The following TFB1M variants were observed in gnomAD, a reference collection of about 807,000 sequenced individuals.
The protein encoded by TFB1M is dimethyladenosine transferase 1, mitochondrial.
Under a neutral mutation model 31.1 loss-of-function variants are expected in TFB1M, and 27 were observed. The ratio of observed to expected loss-of-function variants is 0.87; its 90% confidence interval spans 0.64 to 1.20. TFB1M has a LOEUF of 1.20. Among genes scored for constraint, TFB1M ranks in the 50% most tolerant of loss-of-function variants. The probability of loss-of-function intolerance (pLI) is 0.00; values close to 1 mark genes in which losing one functional copy is unlikely to be tolerated. For missense variants in TFB1M, 394 were observed against 418.7 expected, an observed-to-expected ratio of 0.94 and a Z score of 0.51; for synonymous variants, 166 against 151.8, an observed-to-expected ratio of 1.09 and a Z score of -0.69.
chr6:155,285,131 T>C (rs930486529), intron 5 of TFB1M, 27 bp downstream of exon 5: 34 of 1,613,020 alleles, frequency 2.1e-5, no homozygotes, highest in Non-Finnish European at 2.5e-5. Context: ...AATTCCGATA[T>C]ACTACAACAA....
intron 5 of TFB1M, among the ~76,000 whole-genome samples, chr6:155,283,399 T>C (rs1776476639): frequency 6.6e-6 from 1 of 152,224 alleles, no homozygotes; most frequent in African/African-American, 2.4e-5. Context: ...TAAATTGCTA[T>C]GAAAATGTTT....
At chr6:155,304,651 G>T (rs1297807806) in intron 2 of TFB1M, among the ~76,000 whole-genome samples, 1 of 151,876 alleles carries the variant, frequency 6.6e-6, no homozygotes, top group Non-Finnish European at 1.5e-5. Context: ...AGAGAAAAAA[G>T]AACAAAGGTA....
rs1234719094 is a variant in TFB1M at position 155,305,425 on chromosome 6, TTA to T, written c.285+5761_285+5762del. Among the ~76,000 whole-genome samples, 9 of 29,168 alleles carry T rather than the reference TTA, an allele frequency of 3.1e-4. 3 individuals carry two copies. The highest frequency in any genetic ancestry group is 6.0e-4 in the African/African-American group (4 of 6,700). The allele number at this position is 29,168 out of a possible 152,430, so 19.1% of individuals were successfully genotyped here. ...ATAAATATATTATTAAATTATATAT[TTA>T]TATATATAAATATATATTAAATTAT... On this transcript the variant is annotated intron_variant, in intron 2 of 6. Coordinates refer to ENST00000367166, the MANE Select transcript of TFB1M (RefSeq NM_016020.4).
intron 5 of TFB1M, among the ~76,000 whole-genome samples, chr6:155,262,043 C>A: frequency 6.6e-6 from 1 of 152,164 alleles, no homozygotes; most frequent in East Asian, 1.9e-4. Flanking sequence ...ACAGGACTTC[C>A]CTTAGACTTT....
chr6:155,301,764 C>T lies in TFB1M; in HGVS notation c.286-3179G>A, dbSNP rs138659010. Among the ~76,000 whole-genome samples the T allele has an allele frequency of 8.0e-3, 1,223 of 152,276 alleles. 14 individuals carry two copies. The highest frequency in any genetic ancestry group is 0.028 in the African/African-American group (1,167 of 41,560). ...AAAATCAAACCATGAAGAGGGGAAGCATATATGTAAAACACAAGAGCTAAC... is the reference window on the plus strand; with the variant it reads ...AAAATCAAACCATGAAGAGGGGAAGTATATATGTAAAACACAAGAGCTAAC... On this transcript the variant is annotated intron_variant, in intron 2 of 6. Coordinates refer to ENST00000367166, the MANE Select transcript of TFB1M (RefSeq NM_016020.4).
intron 4 of TFB1M, among the ~76,000 whole-genome samples, chr6:155,290,175 A>G (rs1381732520): frequency 6.6e-6 from 1 of 151,804 alleles, no homozygotes. Flanking sequence ...TCACGAGGTC[A>G]GGAGATCGAG....
chr6:155,262,736 A>G (rs540364841), intron 5 of TFB1M, among the ~76,000 whole-genome samples: 1 of 152,034 alleles, frequency 6.6e-6, no homozygotes, highest in Admixed American at 6.5e-5. Context: ...CAGTACAGAA[A>G]CTGCCACTTT....
chr6:155,294,625 GAGAT>G (rs780215338), intron 4 of TFB1M, among the ~76,000 whole-genome samples: 11 of 152,324 alleles, frequency 7.2e-5, no homozygotes, highest in East Asian at 3.9e-4. Flanking sequence ...CCATTACCCT[GAGAT>G]TAATAAAAAT....
rs118159583 is a variant in TFB1M, at chr6:155,276,908, T to C, written c.666+8250A>G. Among the ~76,000 whole-genome samples, 74 of 152,376 alleles carry C rather than the reference T, an allele frequency of 4.9e-4. 1 individual carries two copies. The highest frequency in any genetic ancestry group is 9.3e-4 in the Non-Finnish European group (63 of 68,032). ...ATCCATCCCAAGTCCCCACCTCCTG[T>C]GACCAGCCCATTTCTTTTTCATTTT... On this transcript the variant is annotated intron_variant, in intron 5 of 6. Coordinates refer to ENST00000367166, the MANE Select transcript of TFB1M (RefSeq NM_016020.4).
chr6:155,248,309 C>T, the TFB1M span: 39 of 1,064,794 alleles, frequency 3.7e-5, no homozygotes, highest in Admixed American at 9.0e-4. Context: ...TTCAGTTCTG[C>T]GATGGTTAAT....
At chr6:155,255,573 A>C (rs1342020021), downstream of TFB1M, 1 of 152,094 alleles carries the variant, frequency 6.6e-6, no homozygotes. Context: ...AGAAACACCA[A>C]AACTGAGAAC....
chr6:155,271,979 G>T (rs368446425), intron 5 of TFB1M, among the ~76,000 whole-genome samples: 5 of 152,040 alleles, frequency 3.3e-5, no homozygotes, highest in Non-Finnish European at 5.9e-5. Context: ...GGAGAACCTG[G>T]TATTTATCTT....
chr6:155,297,090 G>T lies in TFB1M; in HGVS notation c.409C>A (p.His137Asn), dbSNP rs753853179. Residue 137 changes from histidine (H) to asparagine (N), a missense_variant, in exon 4 of 7, where the codon CAT (histidine) becomes AAT (asparagine). Physicochemically the swap from His to Asn is moderately conservative, Grantham distance 68 (BLOSUM62 1). Around this residue, in one of 3 missense-constraint regions of TFB1M, gnomAD observed 273 missense variants for 256.4 expected, o/e 1.06. Transcript: ENST00000367166. ...RPWEDDPPNV[H>N]IIGNLPFSVS... The stretch of plus-strand genomic sequence containing the variant: ...CTAAAAGGCAGATTTCCAATAATAT[G>T]TACATTTGGAGGATCTGGTGGCAGA... The T allele has an allele frequency of 1.6e-5, 26 of 1,613,420 alleles. No homozygotes were observed. Among genetic ancestry groups the T allele is most frequent in the Non-Finnish European group, 2.1e-5 (25 of 1,179,942 alleles).
chr6:155,250,619 A>G, the TFB1M span: 1 of 1,535,992 alleles, frequency 6.5e-7, no homozygotes, highest in Non-Finnish European at 8.7e-7. Flanking sequence ...AGAACCACGG[A>G]CACTGGTAGA....
chr6:155,283,645 A>G (rs1472296694), intron 5 of TFB1M, among the ~76,000 whole-genome samples: 1 of 152,210 alleles, frequency 6.6e-6, no homozygotes, highest in Non-Finnish European at 1.5e-5. Flanking sequence ...TTCCACTAAA[A>G]ATATTCGAAT....
chr6:155,250,817 C>G, the TFB1M span: 1 of 1,325,136 alleles, frequency 7.5e-7, no homozygotes, highest in Non-Finnish European at 1.1e-6. Context: ...GCTGTGCTTG[C>G]ATTTTAGCAA....
At chr6:155,250,915 A>G in the TFB1M span, 1 of 1,614,122 alleles carries the variant, frequency 6.2e-7, no homozygotes, top group Non-Finnish European at 8.5e-7. Context: ...CAATCTAGGT[A>G]ACAGAACTTT....
At chr6:155,276,861 C>T (rs1225137318) in intron 5 of TFB1M, among the ~76,000 whole-genome samples, 1 of 152,228 alleles carries the variant, frequency 6.6e-6, no homozygotes, top group Non-Finnish European at 1.5e-5. Flanking sequence ...GCTGCCTACT[C>T]CATTCAGATG....
At chr6:155,290,375 C>T (rs1229888567) in intron 4 of TFB1M, among the ~76,000 whole-genome samples, 1 of 114,542 alleles carries the variant, frequency 8.7e-6, no homozygotes, top group East Asian at 2.6e-4. Context: ...GACAGAGCGG[C>T]GAGACTCGGC....
Sources: gnomAD v4.1 joint callset for allele counts (sites outside exome capture counted in the v4.1 genomes callset) on GRCh38, gnomAD v4.1.1 for gene constraint, gnomAD v4.1.1 regional missense constraint, MANE v1.5 for transcripts, NCBI Gene and HGNC (gene_info 2026-07-23, HGNC 2026-07-21) for gene names.